Variants in ITGA9 observed in about 807,000 individuals in gnomAD.
ITGA9 encodes the protein integrin alpha-9.
A neutral mutation model predicts 127.8 loss-of-function variants in ITGA9; 56 were observed. The ratio of observed to expected loss-of-function variants is 0.44; its 90% CI spans 0.35 to 0.55. ITGA9 has a LOEUF of 0.55. Among genes scored for constraint, ITGA9 ranks in the 20% least tolerant of loss-of-function variants. The pLI is 0.00. For missense variants in ITGA9, 1,196 were observed against 1,347.1 expected, an observed-to-expected ratio of 0.89 and a Z score of 1.76; for synonymous variants, 508 against 514.5, an observed-to-expected ratio of 0.99 and a Z score of 0.17.
chr3:37,649,261 C>T (rs939434582), intron 16 of ITGA9, among the ~76,000 whole-genome samples: 1 of 151,622 alleles, frequency 6.6e-6, no homozygotes, highest in African/African-American at 2.4e-5. Context: ...ACTAACCTTC[C>T]CAATAAAAAG....
chr3:37,674,499 C>A (rs531133826), intron 17 of ITGA9, among the ~76,000 whole-genome samples: 1 of 152,218 alleles, frequency 6.6e-6, no homozygotes, highest in African/African-American at 2.4e-5. Context: ...TCAGTTGGTC[C>A]CTAGTGAGTC....
chr3:37,684,094 C>T, intron 18 of ITGA9, 79 bp downstream of exon 18: 1 of 1,186,660 alleles, frequency 8.4e-7, no homozygotes, highest in Non-Finnish European at 1.3e-6. Context: ...CTGGAATAGG[C>T]AATGATTCTA....
intron 14 of ITGA9, among the ~76,000 whole-genome samples, chr3:37,534,684 G>T (rs894030523): frequency 6.6e-6 from 1 of 152,192 alleles, no homozygotes; most frequent in African/African-American, 2.4e-5. Context: ...TTTAAAAAGA[G>T]CTTAGAAATT....
intron 15 of ITGA9, among the ~76,000 whole-genome samples, chr3:37,591,553 G>A (rs1270578529): frequency 6.6e-6 from 1 of 152,186 alleles, no homozygotes; most frequent in Non-Finnish European, 1.5e-5. Flanking sequence ...GATTTCTCTG[G>A]GGGGTTGGAT....
chr3:37,797,222 C>T (rs1026103015), intron 26 of ITGA9, among the ~76,000 whole-genome samples: 1 of 152,062 alleles, frequency 6.6e-6, no homozygotes, highest in African/African-American at 2.4e-5. Flanking sequence ...GTCCCAGCTA[C>T]TTGGGAGGCT....
chr3:37,666,069 A>G (rs1005337381), intron 17 of ITGA9, among the ~76,000 whole-genome samples: 7 of 152,190 alleles, frequency 4.6e-5, no homozygotes, highest in African/African-American at 1.7e-4. Flanking sequence ...GGAAATAGAC[A>G]CATAATGCTG....
At chr3:37,623,673 A>C (rs11707998) in intron 15 of ITGA9, among the ~76,000 whole-genome samples, 2 of 118,170 alleles carry the variant, frequency 1.7e-5, no homozygotes, top group Non-Finnish European at 3.5e-5. Flanking sequence ...GTGTGTGTGT[A>C]TGTGTGTGTG....
Position 37,452,473 on chromosome 3 carries a change from C to G in ITGA9, c.99C>G (p.Asp33Glu). 1.3e-6 allele frequency: 2 copies of G among 1,503,436 alleles called. No homozygotes were observed. Among genetic ancestry groups the G allele is most frequent in the Non-Finnish European group, 1.8e-6 (2 of 1,125,522 alleles). 93.1% of individuals were successfully genotyped at this position (1,503,436 alleles called of 1,614,324 possible). ...AGIPAGAYNL[D>E]PQRPVHFQGP... ...TCCCCGCGGGCGCCTACAACCTCGA[C>G]CCGCAGCGCCCCGTGCACTTCCAGG... The change falls in exon 1 of 28, where the codon GAC becomes GAG. Residue 33 changes from aspartate to glutamate, a missense_variant. Coordinates refer to ENST00000264741, the MANE Select transcript of ITGA9 (RefSeq NM_002207.3). This position sits in a 1 kb window ranked among gnomAD's most constrained non-coding sequence, Gnocchi z 7.3.
chr3:37,488,324 CT>C (rs529962715), intron 4 of ITGA9, among the ~76,000 whole-genome samples: 6 of 149,794 alleles, frequency 4.0e-5, no homozygotes, highest in East Asian at 2.0e-4. Context: ...TTCAGGGTCA[CT>C]TTTTTTTTTC....
chr3:37,564,024 A>G (rs755126981), intron 15 of ITGA9, among the ~76,000 whole-genome samples: 31 of 152,224 alleles, frequency 2.0e-4, no homozygotes, highest in Non-Finnish European at 3.7e-4. Context: ...TTTGAATTCA[A>G]ATTAATTTTG....
chr3:37,480,755 T>C (rs1286370817), intron 3 of ITGA9, among the ~76,000 whole-genome samples: 1 of 152,176 alleles, frequency 6.6e-6, no homozygotes, highest in African/African-American at 2.4e-5. Flanking sequence ...GTTCAGTCCC[T>C]TGGGCCTGTC....
intron 20 of ITGA9, among the ~76,000 whole-genome samples, chr3:37,740,952 A>G (rs982953181): frequency 2.0e-5 from 3 of 152,138 alleles, no homozygotes; most frequent in South Asian, 2.1e-4. Flanking sequence ...TTATAGTGGT[A>G]GGTTTGGTCA....
intron 1 of ITGA9, among the ~76,000 whole-genome samples, chr3:37,456,835 A>G (rs1412101098): frequency 6.6e-6 from 1 of 152,232 alleles, no homozygotes; most frequent in Non-Finnish European, 1.5e-5. Flanking sequence ...TGTCTGATGT[A>G]GTCACCACTA....
chr3:37,614,201 G>A (rs1265121632), intron 15 of ITGA9, among the ~76,000 whole-genome samples: 1 of 152,050 alleles, frequency 6.6e-6, no homozygotes, highest in African/African-American at 2.4e-5. Context: ...AGTTTTCCCA[G>A]CACCATTTAT....
chr3:37,591,435 C>G (rs1289558319), intron 15 of ITGA9, among the ~76,000 whole-genome samples: 1 of 152,162 alleles, frequency 6.6e-6, no homozygotes, highest in Non-Finnish European at 1.5e-5. Flanking sequence ...ACTGAGTGCC[C>G]CCCTGGCTGT....
rs7637502 is a variant in ITGA9 at position 37,519,189 on chromosome 3, C to G, written c.1142-71C>G. 0.012 allele frequency: 14,157 copies of G among 1,166,312 alleles called. 742 individuals carry two copies. In the African/African-American group the frequency reaches 0.15, roughly 12 times the overall value. 72.2% of individuals were successfully genotyped at this position (1,166,312 alleles called of 1,614,324 possible). ...GTATCCAGGGACTCAGACATGACAA[C>G]CAGAATTAGGGAAGCTGCACTTGTA... On this transcript the variant is annotated intron_variant, in intron 10 of 27. Transcript: ENST00000264741.
At chr3:37,516,186 C>A (rs1698982274) in intron 9 of ITGA9, among the ~76,000 whole-genome samples, 1 of 152,200 alleles carries the variant, frequency 6.6e-6, no homozygotes, top group South Asian at 2.1e-4. Context: ...GATGCACCCA[C>A]ACCCTCCCCT....
At chr3:37,677,363 C>A (rs1200612239) in intron 17 of ITGA9, among the ~76,000 whole-genome samples, 1 of 152,108 alleles carries the variant, frequency 6.6e-6, no homozygotes, top group Non-Finnish European at 1.5e-5. Flanking sequence ...ACAAAGTACC[C>A]AGAAAGAAGG....
chr3:37,612,457 A>G (rs1166120484), intron 15 of ITGA9, among the ~76,000 whole-genome samples: 1 of 152,214 alleles, frequency 6.6e-6, no homozygotes, highest in African/African-American at 2.4e-5. Context: ...GTCTACAACT[A>G]TAATATAGTG....
Sources: allele counts gnomAD v4.1 joint callset (sites outside exome capture counted in the v4.1 genomes callset), GRCh38; gene constraint gnomAD v4.1.1; non-coding constraint Gnocchi (gnomAD v3.1); transcripts MANE v1.5; gene names NCBI Gene and HGNC (gene_info 2026-07-23, HGNC 2026-07-21).